Variants in ROBO1 observed in about 807,000 individuals in gnomAD.
The protein encoded by ROBO1 is roundabout homolog 1.
Under a neutral mutation model 195.9 loss-of-function variants are expected in ROBO1, and 149 were observed. The ratio of observed to expected loss-of-function variants is 0.76; its 90% CI spans 0.67 to 0.87. The LOEUF is 0.87. Ranked by LOEUF, ROBO1 falls within the 40% of genes least tolerant of loss-of-function variation. The probability of loss-of-function intolerance (pLI) is 0.00; values close to 1 mark genes in which losing one functional copy is unlikely to be tolerated. For missense variants in ROBO1, 1,933 were observed against 2,068.3 expected, an observed-to-expected ratio of 0.93 and a Z score of 1.27; for synonymous variants, 816 against 733.2, an observed-to-expected ratio of 1.11 and a Z score of -1.82.
intron 2 of ROBO1, among the ~76,000 whole-genome samples, chr3:79,185,032 C>T (rs1389521852): frequency 1.3e-5 from 2 of 152,116 alleles, no homozygotes; most frequent in Admixed American, 6.6e-5. Context: ...TCAAAAAGCT[C>T]GGTTTCTTTC....
chr3:79,733,279 A>G (rs183929380), intron 1 of ROBO1, among the ~76,000 whole-genome samples: 1 of 152,210 alleles, frequency 6.6e-6, no homozygotes, highest in African/African-American at 2.4e-5. Context: ...TTAACCATAC[A>G]GTTAGAAAAA....
At chr3:79,356,028 C>T (rs371485490) in intron 2 of ROBO1, among the ~76,000 whole-genome samples, 2 of 152,104 alleles carry the variant, frequency 1.3e-5, no homozygotes, top group South Asian at 4.1e-4. Context: ...AGCTTTTATT[C>T]CATATGCTAT....
chr3:79,562,669 A>G (rs1403200005), intron 2 of ROBO1, among the ~76,000 whole-genome samples: 1 of 152,090 alleles, frequency 6.6e-6, no homozygotes, highest in Non-Finnish European at 1.5e-5. Context: ...ATTGAAGTAC[A>G]TAGTCATAAA....
At chr3:78,895,332 G>GA (rs1343939009) in intron 4 of ROBO1, among the ~76,000 whole-genome samples, 7 of 151,926 alleles carry the variant, frequency 4.6e-5, no homozygotes, top group African/African-American at 9.7e-5. Context: ...GAAAGAAAGA[G>GA]AAAAAAAGTA....
rs183481933 is a variant in ROBO1 at position 79,671,230 on chromosome 3, G to A, written c.-50-81269C>T. 2.0e-3 allele frequency among the ~76,000 whole-genome samples: 301 copies of A among 151,896 alleles called. 1 individual carries two copies. Among genetic ancestry groups the A allele is most frequent in the South Asian group, 0.018 (88 of 4,824 alleles). On this transcript the variant is annotated intron_variant, in intron 1 of 30. Coordinates refer to ENST00000464233, the MANE Select transcript of ROBO1 (RefSeq NM_002941.4). ...GGAAAAGCCTAGATAGTGTCTCTGCGTTTGTTATGCCTGTGAATGGAATAT... is the reference window on the plus strand; with the variant it reads ...GGAAAAGCCTAGATAGTGTCTCTGCATTTGTTATGCCTGTGAATGGAATAT...
chr3:79,513,232 TTAATG>T (rs1251397360), intron 2 of ROBO1, among the ~76,000 whole-genome samples: 3 of 152,048 alleles, frequency 2.0e-5, no homozygotes, highest in Non-Finnish European at 4.4e-5. Flanking sequence ...TGAGAAAACA[TTAATG>T]TAATAAAATG....
At chr3:79,161,210 C>CT (rs2080957692) in intron 2 of ROBO1, among the ~76,000 whole-genome samples, 1 of 152,076 alleles carries the variant, frequency 6.6e-6, no homozygotes, top group African/African-American at 2.4e-5. Context: ...CCAAGGCTGC[C>CT]TGCCAAGTCA....
chr3:79,278,298 T>C (rs1332928734), intron 2 of ROBO1, among the ~76,000 whole-genome samples: 3 of 152,020 alleles, frequency 2.0e-5, no homozygotes, highest in Non-Finnish European at 4.4e-5. Flanking sequence ...ATTCTTCACA[T>C]ACATGGAAAG....
In ROBO1 at chr3:79,728,134, AT is replaced by A. The variant is rs1363989895; in HGVS notation, c.-51+39617del. ...TGTATTTATTTGTATATTTAGATAT[AT>A]CCCCCCCCCCACAGGAAATTTTTTT... On this transcript the variant is annotated intron_variant, in intron 1 of 30. Coordinates refer to ENST00000464233, the MANE Select transcript of ROBO1 (RefSeq NM_002941.4). Among the ~76,000 whole-genome samples, 5 of 1,298 alleles carry A rather than the reference AT, an allele frequency of 3.9e-3. No homozygotes were observed. In the South Asian group the frequency reaches 0.064, roughly 17 times the overall value. 0.9% of individuals were successfully genotyped at this position (1,298 alleles called of 152,430 possible).
At chr3:79,606,285 C>T (rs1479498031) in intron 1 of ROBO1, among the ~76,000 whole-genome samples, 1 of 151,924 alleles carries the variant, frequency 6.6e-6, no homozygotes, top group African/African-American at 2.4e-5. Context: ...AAGGATTCGG[C>T]TCCCTCATGT....
At chr3:79,237,409 A>C (rs1209070395) in intron 2 of ROBO1, among the ~76,000 whole-genome samples, 2 of 151,916 alleles carry the variant, frequency 1.3e-5, no homozygotes, top group Non-Finnish European at 2.9e-5. Context: ...GGAACCCAGG[A>C]GGCGGAGCTT....
At chr3:79,317,833 C>G (rs941298097) in intron 2 of ROBO1, among the ~76,000 whole-genome samples, 1 of 152,116 alleles carries the variant, frequency 6.6e-6, no homozygotes, top group Middle Eastern at 3.2e-3. Context: ...TATACACATA[C>G]ATCTCCTTAC....
At chr3:78,944,351 C>T (rs1013186314) in intron 3 of ROBO1, among the ~76,000 whole-genome samples, 7 of 152,202 alleles carry the variant, frequency 4.6e-5, no homozygotes, top group East Asian at 1.9e-4. Flanking sequence ...ATAAAAACAC[C>T]AAGAGCTCTC....
In ROBO1 at chr3:79,116,865, G is replaced by A. The variant is rs115691013; in HGVS notation, c.172+8591C>T. Among the ~76,000 whole-genome samples the A allele has an allele frequency of 8.0e-3, 1,224 of 152,176 alleles. 18 individuals carry two copies. Among genetic ancestry groups the A allele is most frequent in the African/African-American group, 0.028 (1,174 of 41,520 alleles). ...CTTATATTACTACTACAATGTAAAT[G>A]CCATGTAAATGGTTGGTATACTGTA... On this transcript the variant is annotated intron_variant, in intron 3 of 30. Transcript: ENST00000464233.
In ROBO1 at chr3:78,598,895, T is replaced by C. The variant is rs752750568; in HGVS notation, c.*18A>G. 42 of 1,549,212 alleles carry C rather than the reference T, an allele frequency of 2.7e-5. No homozygotes were observed. In the East Asian group the frequency reaches 8.6e-4, roughly 32 times the overall value. On this transcript the variant is annotated 3_prime_UTR_variant, in exon 31 of 31. Transcript: ENST00000464233. The stretch of plus-strand genomic sequence containing the variant: ...GTGATGATTTTCACATTAGATCTCA[T>C]AAGCCTCTTGGTTGTCTTCAGCTTT...
At chr3:79,426,274 T>C (rs2038443186) in intron 2 of ROBO1, among the ~76,000 whole-genome samples, 1 of 152,266 alleles carries the variant, frequency 6.6e-6, no homozygotes, top group East Asian at 1.9e-4. Flanking sequence ...ATAATATACA[T>C]AATATACGCA....
intron 2 of ROBO1, among the ~76,000 whole-genome samples, chr3:79,241,675 T>C (rs2082520739): frequency 6.6e-6 from 1 of 150,604 alleles, no homozygotes; most frequent in Non-Finnish European, 1.5e-5. Flanking sequence ...TAAATATAGA[T>C]AACAATATTT....
At chr3:78,847,566 A>C (rs1344785513) in intron 4 of ROBO1, among the ~76,000 whole-genome samples, 1 of 152,186 alleles carries the variant, frequency 6.6e-6, no homozygotes, top group Non-Finnish European at 1.5e-5. Context: ...TATCAGAAAA[A>C]TGTAAGACTT....
chr3:79,616,539 G>C (rs1163799080), intron 1 of ROBO1, among the ~76,000 whole-genome samples: 1 of 152,020 alleles, frequency 6.6e-6, no homozygotes, highest in Non-Finnish European at 1.5e-5. Context: ...AGATAACATG[G>C]TCTCCCTGGC....
Sources: gnomAD v4.1 joint callset for allele counts (sites outside exome capture counted in the v4.1 genomes callset) on GRCh38, gnomAD v4.1.1 for gene constraint, MANE v1.5 for transcripts, NCBI Gene and HGNC (gene_info 2026-07-23, HGNC 2026-07-21) for gene names.